FER: variants seen among roughly 807,000 people sequenced by gnomAD.
The protein encoded by FER is tyrosine-protein kinase Fer.
In FER, 63 loss-of-function variants were observed where a neutral mutation model predicts 111.0. That is an observed-to-expected ratio of 0.57 (90% confidence interval 0.46 to 0.70). The LOEUF is 0.70. Among genes scored for constraint, FER ranks in the 30% least tolerant of loss-of-function variants. The pLI, the probability that FER is intolerant of heterozygous loss-of-function variation, is 0.00. For synonymous variants in FER, 327 were observed against 313.9 expected (o/e 1.04, Z -0.44); for missense variants, 914 against 954.0 (o/e 0.96, Z 0.55).
At chr5:109,120,994 G>A (rs1232185464) in intron 17 of FER, among the ~76,000 whole-genome samples, 1 of 151,914 alleles carries the variant, frequency 6.6e-6, no homozygotes, top group South Asian at 2.1e-4. Context: ...ATAGTTTTTG[G>A]TGGAGTCTTT....
Position 108,929,175 on chromosome 5 carries a change from T to C in FER, c.1237-16955T>C, listed in dbSNP as rs192394521. On this transcript the variant is annotated intron_variant, in intron 10 of 19. Coordinates refer to ENST00000281092, the MANE Select transcript of FER (RefSeq NM_005246.4). ...TTCTATATTCCTAATGTCATAAAGG[T>C]ATATATCCTGCAGTAATTAGTAAAA... Among the ~76,000 whole-genome samples the C allele has an allele frequency of 1.8e-4, 28 of 152,208 alleles. 1 individual carries two copies. The highest frequency in any genetic ancestry group is 1.7e-3 in the Admixed American group (26 of 15,288).
intron 13 of FER, among the ~76,000 whole-genome samples, chr5:109,014,484 G>A (rs1766758934): frequency 6.6e-6 from 1 of 152,050 alleles, no homozygotes; most frequent in Non-Finnish European, 1.5e-5. Flanking sequence ...GGTTACTGTA[G>A]CCTTGTAGTA....
chr5:109,068,550 C>G (rs1035042553), intron 16 of FER, among the ~76,000 whole-genome samples: 1 of 152,150 alleles, frequency 6.6e-6, no homozygotes, highest in African/African-American at 2.4e-5. Context: ...CACTGTAATT[C>G]TTATTTAGAT....
chr5:109,084,425 C>A (rs1037455222), intron 16 of FER, among the ~76,000 whole-genome samples: 5 of 151,706 alleles, frequency 3.3e-5, no homozygotes, highest in African/African-American at 9.7e-5. Flanking sequence ...TGTGAATGTA[C>A]CTAACACTAC....
At chr5:108,939,690 A>G (rs1284984431) in intron 10 of FER, among the ~76,000 whole-genome samples, 1 of 151,680 alleles carries the variant, frequency 6.6e-6, no homozygotes, top group Non-Finnish European at 1.5e-5. Context: ...CAATATTATA[A>G]CCACCATCTT....
At chr5:109,146,280 A>ATTATCTATATATATATC (rs1754197502) in intron 17 of FER, among the ~76,000 whole-genome samples, 1 of 117,806 alleles carries the variant, frequency 8.5e-6, no homozygotes, top group African/African-American at 3.3e-5. Context: ...ATATATATAT[A>ATTATCTATATATATATC]TATATATATA....
chr5:108,798,256 T>C lies in FER; in HGVS notation c.74T>C (p.Leu25Pro). 1 of 1,614,028 alleles carries C rather than the reference T, an allele frequency of 6.2e-7. No homozygotes were observed. Among genetic ancestry groups the C allele is most frequent in the South Asian group, 1.1e-5 (1 of 91,086 alleles). Reference protein sequence around the residue: ...LKLQDWELRLLETVKKFMALR... With the variant: ...LKLQDWELRLPETVKKFMALR... Reference sequence around the variant, plus strand: ...TTGCAAGACTGGGAATTACGGTTACTGGAAACAGTAAAGAAATTTATGGCC... The same window carrying C: ...TTGCAAGACTGGGAATTACGGTTACCGGAAACAGTAAAGAAATTTATGGCC... The change falls in exon 3 of 20, where the codon CTG becomes CCG. Residue 25 changes from leucine (L) to proline (P), a missense_variant. Leu to Pro is a moderately conservative substitution (Grantham distance 98). Coordinates refer to ENST00000281092, the MANE Select transcript of FER (RefSeq NM_005246.4).
At chr5:108,783,119 G>A (rs1416300513) in intron 2 of FER, among the ~76,000 whole-genome samples, 1 of 151,938 alleles carries the variant, frequency 6.6e-6, no homozygotes, top group Non-Finnish European at 1.5e-5. Context: ...TTTTGTTGTT[G>A]TCCCACAGGT....
intron 17 of FER, among the ~76,000 whole-genome samples, chr5:109,119,654 G>T (rs1001201918): frequency 6.6e-6 from 1 of 152,046 alleles, no homozygotes; most frequent in Non-Finnish European, 1.5e-5. Flanking sequence ...AAGTCTCTTT[G>T]TAGGTCTCTA....
At chr5:108,836,744 A>C (rs560969800) in intron 5 of FER, among the ~76,000 whole-genome samples, 1 of 152,110 alleles carries the variant, frequency 6.6e-6, no homozygotes, top group Non-Finnish European at 1.5e-5. Flanking sequence ...CCAGTACACT[A>C]GAAGTGATAC....
At chr5:109,077,023 A>G (rs1776423221) in intron 16 of FER, among the ~76,000 whole-genome samples, 1 of 152,210 alleles carries the variant, frequency 6.6e-6, no homozygotes, top group East Asian at 1.9e-4. Context: ...TCTTCTTCAC[A>G]TCTCTTACAC....
intron 5 of FER, among the ~76,000 whole-genome samples, chr5:108,863,245 G>A (rs974450640): frequency 7.2e-5 from 11 of 151,990 alleles, no homozygotes; most frequent in Admixed American, 5.2e-4. Context: ...TCAGCCTCCC[G>A]ATTGGCTGGG....
chr5:108,840,747 G>A (rs73780594), intron 5 of FER, among the ~76,000 whole-genome samples: 3,204 of 152,200 alleles, frequency 0.021, 107 homozygotes, highest in African/African-American at 0.074. Context: ...CATCCTACCA[G>A]GAGGCACATA....
rs1341382500 is a variant in FER at position 108,946,316 on chromosome 5, GTA to G, written c.1329+102_1329+103del. 4.3e-5 allele frequency: 30 copies of G among 694,722 alleles called. No homozygotes were observed. The East Asian group carries it at 7.1e-4, about 17-fold the overall frequency. 43.0% of individuals were successfully genotyped at this position (694,722 alleles called of 1,614,324 possible). ...AATATATATATATGTGTGTGTGTGT[GTA>G]TATATATGTATATACATATATAAAT... On this transcript the variant is annotated intron_variant, in intron 11 of 19. Transcript: ENST00000281092.
chr5:108,757,968 T>C lies in FER; in HGVS notation c.-206+9968T>C, dbSNP rs143631324. 2.4e-3 allele frequency among the ~76,000 whole-genome samples: 359 copies of C among 152,352 alleles called. 2 individuals are homozygous for C. Among genetic ancestry groups the C allele is most frequent in the African/African-American group, 8.2e-3 (342 of 41,582 alleles). ...TGTCTGGAACTGGCATTCTAAGATCTAAATGTCTTAGCTTGGAGATACTTG... is the reference window on the plus strand; with the variant it reads ...TGTCTGGAACTGGCATTCTAAGATCCAAATGTCTTAGCTTGGAGATACTTG... On this transcript the variant is annotated intron_variant, in intron 1 of 19. Coordinates refer to ENST00000281092, the MANE Select transcript of FER (RefSeq NM_005246.4).
intron 13 of FER, among the ~76,000 whole-genome samples, chr5:109,030,182 C>T (rs747167225): frequency 1.3e-5 from 2 of 151,872 alleles, no homozygotes. Flanking sequence ...TTAATAACTT[C>T]TGTTTCTATG....
intron 2 of FER, among the ~76,000 whole-genome samples, chr5:108,785,946 G>A (rs1754673892): frequency 6.6e-6 from 1 of 152,140 alleles, no homozygotes; most frequent in South Asian, 2.1e-4. Context: ...TGCAGTATTT[G>A]TTTATATTTG....
chr5:109,179,345 G>A lies in FER; in HGVS notation c.2049-1402G>A, dbSNP rs1353409329. Among the ~76,000 whole-genome samples, 5 of 152,248 alleles carry A rather than the reference G, an allele frequency of 3.3e-5. No individual in the cohort carries two copies. The East Asian group carries it at 7.7e-4, about 24-fold the overall frequency. On this transcript the variant is annotated intron_variant, in intron 17 of 19. Coordinates refer to ENST00000281092, the MANE Select transcript of FER (RefSeq NM_005246.4). ...TGTAATGTTAGGGATTTAAGTTTTT[G>A]TGTATGCCCTTTGTCAGGTTAAATA...
chr5:109,092,005 A>G (rs1746828891), intron 16 of FER, among the ~76,000 whole-genome samples: 1 of 152,060 alleles, frequency 6.6e-6, no homozygotes, highest in Non-Finnish European at 1.5e-5. Context: ...TCCCTTCTAT[A>G]ATGTGAGGAC....
Sources: allele counts gnomAD v4.1 joint callset (sites outside exome capture counted in the v4.1 genomes callset), GRCh38; gene constraint gnomAD v4.1.1; transcripts MANE v1.5; gene names NCBI Gene and HGNC (gene_info 2026-07-23, HGNC 2026-07-21).